The following PRAC2 variants were observed in gnomAD, a reference collection of about 807,000 sequenced individuals.
PRAC2 encodes PRAC2 small nuclear protein, also known as protein PRAC2.
For missense variants in PRAC2, 92 were observed against 114.5 expected (o/e 0.80, Z 0.90); for synonymous variants, 43 against 49.5 (o/e 0.87, Z 0.55).
At chr17:48,719,606 T>C (rs547007399), upstream of PRAC2, among the ~76,000 whole-genome samples, 1 of 152,364 alleles carries the variant, frequency 6.6e-6, no homozygotes, top group East Asian at 1.9e-4. Context: ...TTAGCTAGTA[T>C]TCGTTTGTGT....
At chr17:48,722,544 T>A, upstream of PRAC2, 1 of 675,170 alleles carries the variant, frequency 1.5e-6, no homozygotes, top group Non-Finnish European at 2.7e-6. Context: ...TGGGTGCCCC[T>A]CTCCCTGTAG....
At chr17:48,721,613 C>A (rs1450108206), upstream of PRAC2, 3 of 478,846 alleles carry the variant, frequency 6.3e-6, no homozygotes, top group Non-Finnish European at 6.9e-6. Flanking sequence ...CCATGAGCCA[C>A]TATGCCTGGC....
In PRAC2 at chr17:48,724,448, G is replaced by A. The variant is rs866683266; in HGVS notation, c.38G>A (p.Arg13His). 1 of 1,234,268 alleles carries A rather than the reference G, an allele frequency of 8.1e-7. No individual in the cohort carries two copies. Among genetic ancestry groups the A allele is most frequent in the Non-Finnish European group, 1.0e-6 (1 of 988,140 alleles). 76.5% of individuals were successfully genotyped at this position (1,234,268 alleles called of 1,614,324 possible). ...CGGATGGCTCTGCGGCCTGGCTCCC[G>A]CAGACCGACCGCCTTCTTCTTCCAT... ...RRRMALRPGS[R>H]RPTAFFFHSR... The change falls in exon 2 of 2, where the codon CGC becomes CAC. Residue 13 changes from arginine (R) to histidine (H), a missense_variant. Arg to His is a conservative substitution (Grantham distance 29, BLOSUM62 0). Transcript: ENST00000422730.
upstream of PRAC2, chr17:48,721,962 C>T (rs1238073943): frequency 1.7e-5 from 25 of 1,434,942 alleles, 1 homozygote; most frequent in South Asian, 3.2e-4. Flanking sequence ...ATTAATTTTG[C>T]TTATGCCAGG....
chr17:48,723,970 A>G (rs994162700), intron 1 of PRAC2, among the ~76,000 whole-genome samples: 1 of 152,238 alleles, frequency 6.6e-6, no homozygotes, highest in African/African-American at 2.4e-5. Context: ...AGGGCAGCTC[A>G]GGGTACAATT....
At chr17:48,722,878 C>T (rs985228843), upstream of PRAC2, among the ~76,000 whole-genome samples, 1 of 152,140 alleles carries the variant, frequency 6.6e-6, no homozygotes, top group Non-Finnish European at 1.5e-5. Flanking sequence ...ACCCTCCCCC[C>T]AGGCTGGGCG....
At chr17:48,722,271 T>C, upstream of PRAC2, 1 of 1,501,098 alleles carries the variant, frequency 6.7e-7, no homozygotes, top group Non-Finnish European at 9.3e-7. Context: ...GCAGCTACCA[T>C]ACTGAGCGAT....
At chr17:48,720,122 A>C (rs1317249892), upstream of PRAC2, among the ~76,000 whole-genome samples, 1 of 152,202 alleles carries the variant, frequency 6.6e-6, no homozygotes, top group African/African-American at 2.4e-5. Context: ...CCCGCAGACC[A>C]AGAGCTGCCT....
upstream of PRAC2, among the ~76,000 whole-genome samples, chr17:48,721,091 C>T (rs1485512705): frequency 6.6e-6 from 1 of 152,018 alleles, no homozygotes; most frequent in African/African-American, 2.4e-5. Flanking sequence ...TAGGTGAGTC[C>T]TGAGTGTTTT....
At chr17:48,721,983 A>G, upstream of PRAC2, 1 of 1,347,684 alleles carries the variant, frequency 7.4e-7, no homozygotes, top group Non-Finnish European at 9.9e-7. Context: ...ACTCCATCCC[A>G]TTGGAGACAA....
At chr17:48,723,608 T>C (rs1488194157) in intron 1 of PRAC2, 2 of 851,866 alleles carry the variant, frequency 2.3e-6, no homozygotes, top group Non-Finnish European at 3.1e-6. Flanking sequence ...CTATTTGGAG[T>C]AGGGATCGCC....
chr17:48,721,713 A>T (rs112263974), upstream of PRAC2: 2 of 1,239,426 alleles, frequency 1.6e-6, no homozygotes, highest in African/African-American at 3.1e-5. Flanking sequence ...GTTAACTTTC[A>T]CCCAGTTTCC....
intron 1 of PRAC2, chr17:48,723,902 G>A (rs1402440495): frequency 7.6e-6 from 5 of 653,796 alleles, no homozygotes; most frequent in Non-Finnish European, 1.1e-5. Context: ...ATCCCATTTC[G>A]TAGCTTGCTG....
chr17:48,723,306 A>C lies in PRAC2; in HGVS notation c.-91A>C. On this transcript the variant is annotated 5_prime_UTR_variant, in exon 1 of 2. Transcript: ENST00000422730. Reference sequence around the variant, plus strand: ...GCAGTCGCCTCCGGGCTTTATTGCAAGTTTACGGTAACGAGTTCATCTATT... The same window carrying C: ...GCAGTCGCCTCCGGGCTTTATTGCACGTTTACGGTAACGAGTTCATCTATT... The C allele has an allele frequency of 5.7e-6, 1 of 174,858 alleles. No homozygotes were observed. Among genetic ancestry groups the C allele is most frequent in the Middle Eastern group, 2.3e-3 (1 of 428 alleles). The allele number at this position is 174,858 out of a possible 1,614,324, so 10.8% of individuals were successfully genotyped here. A position where few individuals can be genotyped will look rare whatever the true frequency, so the allele number is the denominator to read the frequency against.
intron 1 of PRAC2, chr17:48,723,800 C>T: frequency 8.2e-7 from 1 of 1,224,904 alleles, no homozygotes; most frequent in Non-Finnish European, 1.0e-6. Context: ...GCCACTACTC[C>T]CTTATTCGGC....
At chr17:48,719,981 TG>T (rs762679132), upstream of PRAC2, among the ~76,000 whole-genome samples, 21 of 152,112 alleles carry the variant, frequency 1.4e-4, no homozygotes, top group Non-Finnish European at 2.8e-4. Context: ...GACAAAAACC[TG>T]CCTGGAATGG....
upstream of PRAC2, among the ~76,000 whole-genome samples, chr17:48,720,504 C>T (rs1056512830): frequency 1.3e-5 from 2 of 152,186 alleles, no homozygotes; most frequent in African/African-American, 4.8e-5. Context: ...CGTCCTGTTC[C>T]CCATTTGTTC....
chr17:48,722,449 A>G (rs889260055), upstream of PRAC2: 20 of 1,503,634 alleles, frequency 1.3e-5, no homozygotes, highest in Middle Eastern at 1.7e-4. Context: ...CCTTGCAAGC[A>G]AGCATCGGCC....
chr17:48,722,596 C>T, upstream of PRAC2: 1 of 567,216 alleles, frequency 1.8e-6, no homozygotes, highest in East Asian at 3.0e-5. Context: ...CGGTTGGTGG[C>T]TCCCCACCTC....
Sources: gnomAD v4.1 joint callset for allele counts (sites outside exome capture counted in the v4.1 genomes callset) on GRCh38, gnomAD v4.1.1 for gene constraint, MANE v1.5 for transcripts, NCBI Gene and HGNC (gene_info 2026-07-23, HGNC 2026-07-21) for gene names.